Variants in IGSF11 observed in about 807,000 individuals in gnomAD.
IGSF11 encodes CXADR like 1.
A neutral mutation model predicts 41.0 loss-of-function variants in IGSF11; 22 were observed. The ratio of observed to expected loss-of-function variants is 0.54; its 90% CI spans 0.38 to 0.77. IGSF11 has a LOEUF of 0.77. Among genes scored for constraint, IGSF11 ranks in the 30% least tolerant of loss-of-function variants. The probability of loss-of-function intolerance (pLI) is 0.00; values close to 1 mark genes in which losing one functional copy is unlikely to be tolerated. For synonymous variants in IGSF11, 219 were observed against 201.3 expected (o/e 1.09, Z -0.74); for missense variants, 444 against 530.8 (o/e 0.84, Z 1.61).
chr3:119,084,830 A>G (rs180741723), intron 1 of IGSF11, among the ~76,000 whole-genome samples: 4 of 152,362 alleles, frequency 2.6e-5, no homozygotes, highest in Admixed American at 6.5e-5. Context: ...AGCCACGAGC[A>G]GGTCCTGGTG....
chr3:118,924,548 G>C (rs1373436918), intron 4 of IGSF11, among the ~76,000 whole-genome samples: 1 of 151,948 alleles, frequency 6.6e-6, no homozygotes, highest in Non-Finnish European at 1.5e-5. Context: ...TTTTATAGAA[G>C]ACAAAGTTTT....
chr3:119,138,986 T>G (rs577186301), intron 1 of IGSF11, among the ~76,000 whole-genome samples: 1 of 152,246 alleles, frequency 6.6e-6, no homozygotes, highest in Admixed American at 6.5e-5. Flanking sequence ...GAAAAAAAAT[T>G]AATTCTACAT....
At chr3:119,060,662 C>T (rs1404797631) in intron 1 of IGSF11, among the ~76,000 whole-genome samples, 1 of 152,144 alleles carries the variant, frequency 6.6e-6, no homozygotes, top group African/African-American at 2.4e-5. Flanking sequence ...CAAGATGATA[C>T]AGCTCATCAA....
chr3:119,117,023 A>G (rs1433169847), intron 1 of IGSF11, among the ~76,000 whole-genome samples: 2 of 151,954 alleles, frequency 1.3e-5, no homozygotes, highest in African/African-American at 4.8e-5. Context: ...CCCCTAACAT[A>G]TGGGCTTTGA....
intron 1 of IGSF11, among the ~76,000 whole-genome samples, chr3:119,065,928 A>T (rs969390123): frequency 1.5e-4 from 23 of 152,190 alleles, no homozygotes; most frequent in African/African-American, 5.5e-4. Flanking sequence ...TTGAATGTGT[A>T]ATTTTCATCA....
intron 5 of IGSF11, 124 bp from the exon 6 acceptor site, chr3:118,904,922 A>T (rs1939389508): frequency 1.2e-5 from 9 of 760,832 alleles, no homozygotes; most frequent in Non-Finnish European, 1.8e-5. Context: ...AAACTCTCTA[A>T]AATCTTTCAT....
intron 1 of IGSF11, among the ~76,000 whole-genome samples, chr3:119,089,489 G>C (rs531184578): frequency 4.6e-5 from 7 of 152,100 alleles, no homozygotes; most frequent in Non-Finnish European, 8.8e-5. Context: ...ATGGGCAAAA[G>C]CTAGAAGCAT....
intron 1 of IGSF11, among the ~76,000 whole-genome samples, chr3:119,120,443 G>A (rs1379871521): frequency 1.4e-4 from 21 of 152,142 alleles, no homozygotes; most frequent in Admixed American, 1.4e-3. Flanking sequence ...AGGAGTGGAA[G>A]GTTTAATAGG....
At chr3:118,950,031 T>A (rs929589362) in intron 1 of IGSF11, among the ~76,000 whole-genome samples, 4 of 152,106 alleles carry the variant, frequency 2.6e-5, no homozygotes. Context: ...AAACCCTCAA[T>A]AAAGAGGGAA....
intron 1 of IGSF11, among the ~76,000 whole-genome samples, chr3:118,991,674 T>A (rs1038747632): frequency 6.6e-6 from 1 of 152,048 alleles, no homozygotes; most frequent in Non-Finnish European, 1.5e-5. Context: ...ACAATGGATA[T>A]AAGATAAATG....
chr3:119,020,635 G>A (rs553161943), intron 1 of IGSF11, among the ~76,000 whole-genome samples: 46 of 152,334 alleles, frequency 3.0e-4, no homozygotes, highest in African/African-American at 1.1e-3. Context: ...GACGCCTGAA[G>A]CATAATAAAC....
intron 1 of IGSF11, among the ~76,000 whole-genome samples, chr3:119,046,370 A>G (rs1157058101): frequency 5.9e-5 from 9 of 152,280 alleles, no homozygotes; most frequent in South Asian, 2.1e-4. Flanking sequence ...GAGCTGATGC[A>G]ATCAACTGGA....
chr3:119,112,146 A>T (rs2077175607), intron 1 of IGSF11, among the ~76,000 whole-genome samples: 1 of 152,136 alleles, frequency 6.6e-6, no homozygotes, highest in Non-Finnish European at 1.5e-5. Flanking sequence ...GACATTTAAG[A>T]CTGCAGAGGC....
At chr3:119,047,344 A>C (rs184906992) in intron 1 of IGSF11, among the ~76,000 whole-genome samples, 28 of 152,348 alleles carry the variant, frequency 1.8e-4, no homozygotes, top group Admixed American at 4.6e-4. Context: ...AGGAGTTGCA[A>C]TCCTACTCTC....
intron 1 of IGSF11, among the ~76,000 whole-genome samples, chr3:118,961,783 T>C (rs1388485201): frequency 1.3e-5 from 2 of 152,214 alleles, no homozygotes; most frequent in African/African-American, 4.8e-5. Context: ...GTTGTCACTA[T>C]GAAATAGCAA....
At chr3:118,918,536 G>A (rs1270678538) in intron 4 of IGSF11, among the ~76,000 whole-genome samples, 2 of 133,732 alleles carry the variant, frequency 1.5e-5, no homozygotes, top group Non-Finnish European at 3.1e-5. Flanking sequence ...AAATACCTAG[G>A]AATCCAACTT....
At chr3:119,045,415 C>G (rs1046195069) in intron 1 of IGSF11, among the ~76,000 whole-genome samples, 5 of 152,222 alleles carry the variant, frequency 3.3e-5, no homozygotes, top group African/African-American at 1.2e-4. Flanking sequence ...TCACTCCCAC[C>G]CGAATACTGC....
chr3:119,071,540 T>G (rs150524994), intron 1 of IGSF11, among the ~76,000 whole-genome samples: 3 of 152,314 alleles, frequency 2.0e-5, no homozygotes, highest in Non-Finnish European at 4.4e-5. Flanking sequence ...TATTTAACAT[T>G]TGGATATATA....
intron 1 of IGSF11, among the ~76,000 whole-genome samples, chr3:118,959,136 G>T (rs1443099528): frequency 6.6e-6 from 1 of 152,186 alleles, no homozygotes. Context: ...TACGGATTTG[G>T]TAAGGAGTAC....
Sources: allele counts gnomAD v4.1 joint callset (sites outside exome capture counted in the v4.1 genomes callset), GRCh38; gene constraint gnomAD v4.1.1; transcripts MANE v1.5; gene names NCBI Gene and HGNC (gene_info 2026-07-23, HGNC 2026-07-21).